The following ETFA variants were observed in gnomAD, a reference collection of about 807,000 sequenced individuals.
The protein encoded by ETFA is electron transfer flavoprotein subunit alpha, also known as electron transfer flavoprotein subunit alpha, mitochondrial.
Under a neutral mutation model 46.2 loss-of-function variants are expected in ETFA, and 22 were observed. That is an observed-to-expected ratio of 0.48 (90% confidence interval 0.34 to 0.68). The LOEUF (loss-of-function observed/expected upper bound fraction) is 0.68, where lower values mean the gene tolerates loss of function less well. Among genes scored for constraint, ETFA ranks in the 30% least tolerant of loss-of-function variants. ETFA has a pLI of 0.01. For missense variants in ETFA, 345 were observed against 401.1 expected (o/e 0.86, Z 1.19); for synonymous variants, 131 against 139.9 (o/e 0.94, Z 0.45).
chr15:76,263,434 C>T (rs985210000), intron 9 of ETFA, among the ~76,000 whole-genome samples: 2 of 152,138 alleles, frequency 1.3e-5, no homozygotes, highest in Non-Finnish European at 2.9e-5. Context: ...GAAAGAAGCT[C>T]GGTGAGGAAG....
At chr15:76,225,464 A>AT (rs1279254135) in intron 11 of ETFA, among the ~76,000 whole-genome samples, 1 of 151,266 alleles carries the variant, frequency 6.6e-6, no homozygotes, top group African/African-American at 2.4e-5. Flanking sequence ...AATTTTTTGT[A>AT]TTTTTTAGTA....
chr15:76,220,348 G>A (rs1013588147), intron 11 of ETFA, among the ~76,000 whole-genome samples: 3 of 152,242 alleles, frequency 2.0e-5, no homozygotes, highest in Non-Finnish European at 2.9e-5. Flanking sequence ...TTACAGGTGT[G>A]AGTCACCATG....
intron 9 of ETFA, among the ~76,000 whole-genome samples, chr15:76,273,238 G>C (rs746982577): frequency 6.6e-6 from 1 of 152,146 alleles, no homozygotes; most frequent in African/African-American, 2.4e-5. Context: ...TTTTCAACAG[G>C]CAAAAGACTT....
chr15:76,254,564 C>T (rs898444617), intron 9 of ETFA, among the ~76,000 whole-genome samples: 20 of 152,140 alleles, frequency 1.3e-4, no homozygotes, highest in African/African-American at 4.8e-4. Context: ...CCCCGAGAGC[C>T]CCAAGACCCT....
In ETFA at chr15:76,222,248, TAA is replaced by T. The variant is rs199626564; in HGVS notation, c.963+3599_963+3600del. On this transcript the variant is annotated intron_variant, in intron 11 of 11. Transcript: ENST00000557943. ...AATTTTAAAATATAATTACAATACATAAAATACAAAAAATAAAAATAAAATAT... is the reference window on the plus strand; with the variant it reads ...AATTTTAAAATATAATTACAATACATAATACAAAAAATAAAAATAAAATAT... Among the ~76,000 whole-genome samples, 785 of 148,142 alleles carry T rather than the reference TAA, an allele frequency of 5.3e-3. 8 individuals carry two copies. The highest frequency in any genetic ancestry group is 0.018 in the African/African-American group (726 of 40,888).
intron 3 of ETFA, 29 bp from the exon 4 acceptor site, chr15:76,292,542 AT>A (rs766901606): frequency 1.1e-4 from 169 of 1,596,054 alleles, no homozygotes; most frequent in Admixed American, 2.5e-4. Context: ...TGATAAAAAA[AT>A]ATTTTGAAAT....
chr15:76,301,092 A>G (rs1212894182), intron 1 of ETFA, among the ~76,000 whole-genome samples: 1 of 152,172 alleles, frequency 6.6e-6, no homozygotes, highest in Non-Finnish European at 1.5e-5. Context: ...TATCTCATAG[A>G]GTTGTTGTGA....
chr15:76,239,764 G>A (rs1320909941), intron 9 of ETFA, among the ~76,000 whole-genome samples: 1 of 149,748 alleles, frequency 6.7e-6, no homozygotes, highest in East Asian at 1.9e-4. Flanking sequence ...CTGGTGAAGA[G>A]CCAACTGAAG....
At chr15:76,217,510 G>A (rs2038908715) in intron 11 of ETFA, 1 of 397,478 alleles carries the variant, frequency 2.5e-6, no homozygotes, top group African/African-American at 2.1e-5. Flanking sequence ...TGGCCGGTCA[G>A]CAGACACAGT....
At chr15:76,235,384 T>A (rs2039112837) in intron 9 of ETFA, among the ~76,000 whole-genome samples, 1 of 152,174 alleles carries the variant, frequency 6.6e-6, no homozygotes. Flanking sequence ...AGCCCTGCAT[T>A]TTTATTACAA....
intron 9 of ETFA, among the ~76,000 whole-genome samples, chr15:76,272,605 T>C (rs1182903198): frequency 1.3e-5 from 2 of 152,104 alleles, no homozygotes; most frequent in Non-Finnish European, 2.9e-5. Flanking sequence ...TGTCTACTTA[T>C]GTAAAATTGA....
chr15:76,293,491 A>AT (rs1242377726), intron 2 of ETFA, among the ~76,000 whole-genome samples: 3 of 152,222 alleles, frequency 2.0e-5, no homozygotes, highest in Admixed American at 6.5e-5. Flanking sequence ...TTAATTCTTC[A>AT]TTTTTCCTGT....
chr15:76,225,108 G>A (rs1481298508), intron 11 of ETFA, among the ~76,000 whole-genome samples: 1 of 152,104 alleles, frequency 6.6e-6, no homozygotes, highest in Non-Finnish European at 1.5e-5. Flanking sequence ...AGCTGGATAT[G>A]GGTGCCTACT....
chr15:76,256,840 C>T (rs184096191), intron 9 of ETFA, among the ~76,000 whole-genome samples: 1 of 152,298 alleles, frequency 6.6e-6, no homozygotes, highest in African/African-American at 2.4e-5. Flanking sequence ...TTTAGATACA[C>T]AAATACTATT....
rs188134178 is a variant in ETFA, at chr15:76,241,780, C to T, written c.817-10382G>A. On this transcript the variant is annotated intron_variant, in intron 9 of 11. Coordinates refer to ENST00000557943, the MANE Select transcript of ETFA (RefSeq NM_000126.4). ...TCACACCACTGCACTCCAGCCTGGG[C>T]GACAGAGTGAGACTCCATCTCAAAA... Among the ~76,000 whole-genome samples the T allele has an allele frequency of 1.3e-3, 147 of 109,972 alleles. 2 individuals are homozygous for T. The highest frequency in any genetic ancestry group is 4.6e-3 in the African/African-American group (133 of 28,858). The allele number at this position is 109,972 out of a possible 152,430, so 72.1% of individuals were successfully genotyped here.
At chr15:76,284,049 G>GT (rs1256277603) in intron 7 of ETFA, among the ~76,000 whole-genome samples, 3 of 152,034 alleles carry the variant, frequency 2.0e-5, no homozygotes, top group South Asian at 2.1e-4. Context: ...ATTAATATGA[G>GT]TTTTTTTCCC....
chr15:76,286,160 C>G (rs1383699729), intron 6 of ETFA, among the ~76,000 whole-genome samples: 1 of 152,138 alleles, frequency 6.6e-6, no homozygotes, highest in East Asian at 1.9e-4. Flanking sequence ...CCTTGATCTA[C>G]CAAAGCAACT....
At chr15:76,240,172 T>C (rs1026262809) in intron 9 of ETFA, among the ~76,000 whole-genome samples, 1 of 152,186 alleles carries the variant, frequency 6.6e-6, no homozygotes, top group Non-Finnish European at 1.5e-5. Context: ...AAATAACTGC[T>C]AAAGGGAAAT....
At chr15:76,218,836 AG>A (rs2038925971) in intron 11 of ETFA, among the ~76,000 whole-genome samples, 1 of 152,154 alleles carries the variant, frequency 6.6e-6, no homozygotes, top group Admixed American at 6.5e-5. Flanking sequence ...TCCTCCAGGT[AG>A]TACTAAGGGA....
Sources: allele counts gnomAD v4.1 joint callset (sites outside exome capture counted in the v4.1 genomes callset), GRCh38; gene constraint gnomAD v4.1.1; transcripts MANE v1.5; gene names NCBI Gene and HGNC (gene_info 2026-07-23, HGNC 2026-07-21).